DIS3L2: variants seen among roughly 807,000 people sequenced by gnomAD.
DIS3L2 encodes DIS3 like 3'-5' exoribonuclease 2.
A neutral mutation model predicts 97.5 loss-of-function variants in DIS3L2; 34 were observed. That is an observed-to-expected ratio of 0.35 (90% CI 0.27 to 0.46). The LOEUF is 0.46. Ranked by LOEUF, DIS3L2 falls within the 20% of genes least tolerant of loss-of-function variation. DIS3L2 has a pLI of 1.00. For missense variants in DIS3L2, 1,038 were observed against 1,146.0 expected, an observed-to-expected ratio of 0.91 and a Z score of 1.36; for synonymous variants, 435 against 445.2, an observed-to-expected ratio of 0.98 and a Z score of 0.29.
intron 13 of DIS3L2, 82 bp from the exon 14 acceptor site, chr2:232,299,958 G>T: frequency 7.0e-7 from 1 of 1,423,222 alleles, no homozygotes; most frequent in Non-Finnish European, 9.8e-7. Flanking sequence ...GACTTCGTTT[G>T]ATTTTATTTT....
chr2:232,325,276 G>A lies in DIS3L2; in HGVS notation c.1740-4537G>A, dbSNP rs1224325331. On this transcript the variant is annotated intron_variant, in intron 14 of 20. Transcript: ENST00000325385. This position sits in a 1 kb window ranked among gnomAD's most constrained non-coding sequence, Gnocchi z 4.6. ...CGCCGGCACCTTCAGGGTGAAGGAC[G>A]CCCTGTCGTAAACGCATGAAGAGCC... is the stretch of plus-strand genomic sequence containing the variant. Among the ~76,000 whole-genome samples the A allele has an allele frequency of 3.3e-5, 5 of 152,218 alleles. No homozygotes were observed. The highest frequency in any genetic ancestry group is 4.4e-5 in the Non-Finnish European group (3 of 68,040).
intron 13 of DIS3L2, among the ~76,000 whole-genome samples, chr2:232,294,137 C>G (rs914851582): frequency 2.6e-5 from 4 of 152,220 alleles, no homozygotes; most frequent in Non-Finnish European, 2.9e-5. Flanking sequence ...AGCATCCCCT[C>G]GTACCTCATT....
intron 6 of DIS3L2, among the ~76,000 whole-genome samples, chr2:232,123,973 A>G (rs59403414): frequency 0.011 from 1,600 of 152,304 alleles, 30 homozygotes; most frequent in African/African-American, 0.036. Context: ...TGGCAAAATC[A>G]AGTGGAAATT....
Position 232,123,863 on chromosome 2 carries a change from G to T in DIS3L2, c.602-6756G>T, listed in dbSNP as rs116628055. 3.9e-3 allele frequency among the ~76,000 whole-genome samples: 592 copies of T among 152,256 alleles called. 3 individuals carry two copies. The highest frequency in any genetic ancestry group is 0.014 in the African/African-American group (561 of 41,536). ...ACACCATCAGGGTAGACATGAAACA[G>T]CAGCTCTCACATGGAAATGCAGCCC... On this transcript the variant is annotated intron_variant, in intron 6 of 20. Transcript: ENST00000325385.
At chr2:231,996,856 A>G (rs1030596116) in intron 1 of DIS3L2, among the ~76,000 whole-genome samples, 1 of 152,188 alleles carries the variant, frequency 6.6e-6, no homozygotes, top group Non-Finnish European at 1.5e-5. Flanking sequence ...TATACTTGTC[A>G]TACTGTCTGT....
intron 10 of DIS3L2, among the ~76,000 whole-genome samples, chr2:232,216,922 A>G (rs1338264107): frequency 1.4e-5 from 2 of 145,738 alleles, no homozygotes; most frequent in Non-Finnish European, 3.0e-5. Flanking sequence ...TGCACACTGC[A>G]ACCTCCCCCT....
At chr2:232,333,782 T>TAAAAAA in intron 16 of DIS3L2, 58 bp from the exon 17 acceptor site, 2 of 1,541,062 alleles carry the variant, frequency 1.3e-6, no homozygotes, top group Admixed American at 1.9e-5. Flanking sequence ...GTGCCAGCCT[T>TAAAAAA]CCAGGCCTGG....
intron 1 of DIS3L2, among the ~76,000 whole-genome samples, chr2:231,974,497 T>C (rs1001142954): frequency 6.6e-5 from 10 of 152,028 alleles, no homozygotes; most frequent in African/African-American, 2.2e-4. Context: ...GTATTTTTCA[T>C]CTCAGTTGAC....
chr2:232,181,622 C>G lies in DIS3L2; in HGVS notation c.1124+17990C>G, dbSNP rs532420627. ...TGATCGCATCGGCCACCATGCCCGG[C>G]TATTTTTTTTAATTTTTTAATTTTT... On this transcript the variant is annotated intron_variant, in intron 9 of 20. Transcript: ENST00000325385. Among the ~76,000 whole-genome samples the G allele has an allele frequency of 6.6e-5, 10 of 151,958 alleles. No individual in the cohort carries two copies. The East Asian group carries it at 1.9e-3, about 29-fold the overall frequency.
intron 11 of DIS3L2, among the ~76,000 whole-genome samples, chr2:232,241,905 A>G (rs1693112083): frequency 6.6e-6 from 1 of 152,256 alleles, no homozygotes; most frequent in Admixed American, 6.5e-5. Context: ...CATTCATGTT[A>G]TTTTAGGTGC....
At chr2:232,159,028 A>T (rs1690577272) in intron 8 of DIS3L2, among the ~76,000 whole-genome samples, 2 of 152,286 alleles carry the variant, frequency 1.3e-5, no homozygotes, top group South Asian at 4.2e-4. Context: ...ACTCTAGTGA[A>T]CACAGGTAAT....
chr2:232,270,775 A>C (rs1409973469), intron 13 of DIS3L2, among the ~76,000 whole-genome samples: 1 of 152,022 alleles, frequency 6.6e-6, no homozygotes, highest in East Asian at 1.9e-4. Flanking sequence ...GTAGTATGTG[A>C]ATCAGGGTAC....
At chr2:232,099,293 G>A (rs1045947865) in intron 6 of DIS3L2, among the ~76,000 whole-genome samples, 2 of 151,430 alleles carry the variant, frequency 1.3e-5, no homozygotes, top group Non-Finnish European at 2.9e-5. Flanking sequence ...GTGGCTTACT[G>A]TATCCTCTGC....
At chr2:232,242,109 A>T (rs1454156799) in intron 11 of DIS3L2, among the ~76,000 whole-genome samples, 1 of 152,242 alleles carries the variant, frequency 6.6e-6, no homozygotes, top group Non-Finnish European at 1.5e-5. Context: ...TGTAGCAAAG[A>T]GTTGATCAAA....
At chr2:232,087,942 T>C (rs1187535484) in intron 6 of DIS3L2, 4 of 516,958 alleles carry the variant, frequency 7.7e-6, no homozygotes, top group East Asian at 3.2e-5. Flanking sequence ...GTAGTTGCAG[T>C]TGCCACATTC....
chr2:232,313,518 G>C (rs1352600956), intron 14 of DIS3L2, among the ~76,000 whole-genome samples: 2 of 152,134 alleles, frequency 1.3e-5, no homozygotes, highest in African/African-American at 2.4e-5. Context: ...TCTCTTTACT[G>C]CTCCCTGATT....
chr2:231,988,701 G>T (rs1448019670), intron 1 of DIS3L2, among the ~76,000 whole-genome samples: 1 of 152,124 alleles, frequency 6.6e-6, no homozygotes, highest in African/African-American at 2.4e-5. Context: ...AAGTCTGTTG[G>T]TAGTAACTTC....
chr2:232,334,261 G>C (rs1575027622), intron 17 of DIS3L2, 108 bp from the exon 18 acceptor site: 1 of 1,383,532 alleles, frequency 7.2e-7, no homozygotes, highest in Non-Finnish European at 9.8e-7. Flanking sequence ...TGGGTGCTTG[G>C]GGTCCTAATC....
At chr2:232,009,521 T>C (rs2106214001) in intron 1 of DIS3L2, among the ~76,000 whole-genome samples, 1 of 152,330 alleles carries the variant, frequency 6.6e-6, no homozygotes, top group African/African-American at 2.4e-5. Context: ...TCAGCGTATC[T>C]TAGTGGTCAG....
Sources: allele counts gnomAD v4.1 joint callset (sites outside exome capture counted in the v4.1 genomes callset), GRCh38; gene constraint gnomAD v4.1.1; non-coding constraint Gnocchi (gnomAD v3.1); transcripts MANE v1.5; gene names NCBI Gene and HGNC (gene_info 2026-07-23, HGNC 2026-07-21).